The following STX17 variants were observed in gnomAD, a reference collection of about 807,000 sequenced individuals.
STX17 encodes the protein syntaxin 17.
Under a neutral mutation model 35.9 loss-of-function variants are expected in STX17, and 29 were observed. That is an observed-to-expected ratio of 0.81 (90% CI 0.60 to 1.10). The LOEUF is 1.10. STX17 is among the 50% of genes least tolerant of loss of function. The pLI, the probability that STX17 is intolerant of heterozygous loss-of-function variation, is 0.00. For missense variants in STX17, 312 were observed against 352.3 expected (o/e 0.89, Z 0.92); for synonymous variants, 92 against 118.3 (o/e 0.78, Z 1.44).
chr9:99,928,986 G>T, intron 3 of STX17, 143 bp downstream of exon 3: 1 of 672,076 alleles, frequency 1.5e-6, no homozygotes, highest in South Asian at 2.3e-5. Flanking sequence ...AGCAGAAATT[G>T]CTGAATCACA....
At chr9:99,919,761 G>A (rs944304107) in intron 2 of STX17, among the ~76,000 whole-genome samples, 3 of 152,130 alleles carry the variant, frequency 2.0e-5, no homozygotes, top group Non-Finnish European at 4.4e-5. Context: ...TAGATTGTTA[G>A]CATTGAGGAA....
chr9:99,926,337 G>C (rs906178859), intron 2 of STX17, among the ~76,000 whole-genome samples: 1 of 151,848 alleles, frequency 6.6e-6, no homozygotes, highest in Non-Finnish European at 1.5e-5. Context: ...TCTCATTGCA[G>C]ATCATGTTAT....
chr9:99,960,124 A>G lies in STX17; in HGVS notation c.551A>G (p.Gln184Arg). ...TLEADLIELS[Q>R]LVTDFSLLVN... ...TTAAAGGACTTAATTGAACTTAGCCAACTGGTCACTGACTTCTCTCTCCTA... is the reference window on the plus strand; with the variant it reads ...TTAAAGGACTTAATTGAACTTAGCCGACTGGTCACTGACTTCTCTCTCCTA... Residue 184 changes from glutamine (Q) to arginine (R), a missense_variant, in exon 6 of 8, where the codon CAA (glutamine) becomes CGA (arginine). Gln to Arg is a conservative substitution (Grantham distance 43, BLOSUM62 1). Coordinates refer to ENST00000259400, the MANE Select transcript of STX17 (RefSeq NM_017919.3). 7 of 1,614,088 alleles carry G rather than the reference A, an allele frequency of 4.3e-6. No individual in the cohort carries two copies. The highest frequency in any genetic ancestry group is 5.9e-6 in the Non-Finnish European group (7 of 1,179,984).
At chr9:99,918,049 A>G (rs548565594) in intron 2 of STX17, among the ~76,000 whole-genome samples, 91 of 152,258 alleles carry the variant, frequency 6.0e-4, no homozygotes, top group African/African-American at 2.0e-3. Context: ...ACCAGCCATC[A>G]CATCCACATT....
intron 6 of STX17, among the ~76,000 whole-genome samples, chr9:99,961,208 C>T (rs555081779): frequency 1.8e-4 from 28 of 152,258 alleles, no homozygotes; most frequent in African/African-American, 6.7e-4. Flanking sequence ...AGGTTAGAGT[C>T]ATGCAATTCA....
At chr9:99,966,563 G>A (rs1829915649) in intron 6 of STX17, among the ~76,000 whole-genome samples, 3 of 152,204 alleles carry the variant, frequency 2.0e-5, no homozygotes, top group African/African-American at 7.2e-5. Flanking sequence ...CCTCATTGCA[G>A]GTGGCATCTA....
At chr9:99,964,509 A>G (rs1829879911) in intron 6 of STX17, among the ~76,000 whole-genome samples, 1 of 152,198 alleles carries the variant, frequency 6.6e-6, no homozygotes, top group African/African-American at 2.4e-5. Context: ...TCATTGTTAA[A>G]GGAATGCTGA....
intron 4 of STX17, 148 bp downstream of exon 4, chr9:99,951,433 C>A: frequency 1.5e-6 from 1 of 685,434 alleles, no homozygotes; most frequent in Non-Finnish European, 2.3e-6. Flanking sequence ...GATCAGTGTT[C>A]CTGGAAATGT....
chr9:99,920,270 A>G (rs1250209432), intron 2 of STX17, among the ~76,000 whole-genome samples: 4 of 152,180 alleles, frequency 2.6e-5, no homozygotes, highest in Admixed American at 6.5e-5. Context: ...AGATTTTCCT[A>G]CTGTTATGAA....
intron 2 of STX17, among the ~76,000 whole-genome samples, chr9:99,917,357 G>A (rs963927222): frequency 2.6e-5 from 4 of 152,138 alleles, no homozygotes; most frequent in Admixed American, 2.0e-4. Context: ...GGCTCACTCT[G>A]GACAAAAGAG....
chr9:99,920,992 A>G (rs1472178678), intron 2 of STX17, among the ~76,000 whole-genome samples: 3 of 152,140 alleles, frequency 2.0e-5, no homozygotes, highest in Non-Finnish European at 4.4e-5. Context: ...CAGTGGAGGT[A>G]GTAGTTGTTT....
chr9:99,968,731 G>C lies in STX17; in HGVS notation c.*58G>C. Reference sequence around the variant, plus strand: ...GTCTATCCTGAGGACCTTTGCTGCTGTTGGACACTCCGTCACCTTTTGGAA... The same window carrying C: ...GTCTATCCTGAGGACCTTTGCTGCTCTTGGACACTCCGTCACCTTTTGGAA... On this transcript the variant is annotated 3_prime_UTR_variant, in exon 8 of 8. Coordinates refer to ENST00000259400, the MANE Select transcript of STX17 (RefSeq NM_017919.3). The C allele has an allele frequency of 2.5e-6, 4 of 1,570,304 alleles. No individual in the cohort carries two copies. Among genetic ancestry groups the C allele is most frequent in the Non-Finnish European group, 3.5e-6 (4 of 1,158,588 alleles).
In STX17 at chr9:99,941,830, C is replaced by G. The variant is rs1254781739; in HGVS notation, c.190-9230C>G. On this transcript the variant is annotated intron_variant, in intron 3 of 7. Coordinates refer to ENST00000259400, the MANE Select transcript of STX17 (RefSeq NM_017919.3). ...GTTTTTGCCTATAACAATAGTTCAT[C>G]CATTTTCATTGCTGTATATATTCTA... Among the ~76,000 whole-genome samples, 4 of 152,096 alleles carry G rather than the reference C, an allele frequency of 2.6e-5. No individual in the cohort carries two copies. In the East Asian group the frequency reaches 7.7e-4, roughly 29 times the overall value.
chr9:99,916,489 A>T (rs561080056), intron 2 of STX17, among the ~76,000 whole-genome samples: 2 of 151,296 alleles, frequency 1.3e-5, no homozygotes, highest in East Asian at 3.9e-4. Context: ...GGAGTGGAGG[A>T]TATGGTCATT....
chr9:99,910,560 CAAT>C (rs1337096530), intron 1 of STX17, among the ~76,000 whole-genome samples: 2 of 151,902 alleles, frequency 1.3e-5, no homozygotes, highest in Admixed American at 6.6e-5. Flanking sequence ...AATTAATACA[CAAT>C]AATTTTACAT....
chr9:99,930,421 C>T (rs1415803062), intron 3 of STX17, among the ~76,000 whole-genome samples: 2 of 151,996 alleles, frequency 1.3e-5, no homozygotes, highest in Non-Finnish European at 2.9e-5. Flanking sequence ...GCGCCCACCA[C>T]CACGCCCAGC....
At chr9:99,945,692 T>A (rs1040510303) in intron 3 of STX17, 7 of 378,478 alleles carry the variant, frequency 1.8e-5, no homozygotes, top group East Asian at 8.7e-5. Context: ...TTGTTTTTTT[T>A]AATTTATCTA....
At chr9:99,920,619 C>T (rs186171436) in intron 2 of STX17, among the ~76,000 whole-genome samples, 2 of 152,292 alleles carry the variant, frequency 1.3e-5, no homozygotes, top group Non-Finnish European at 2.9e-5. Flanking sequence ...GGCACTACTT[C>T]AAACTACCTC....
At position 99,915,632 on chromosome 9, in the gene STX17, GC is replaced by G. The variant is rs200386776; in HGVS notation, c.123+273del. 2.1e-3 allele frequency among the ~76,000 whole-genome samples: 326 copies of G among 152,148 alleles called. 1 individual carries two copies. The highest frequency in any genetic ancestry group is 6.9e-3 in the African/African-American group (285 of 41,516). On this transcript the variant is annotated intron_variant, in intron 2 of 7. Coordinates refer to ENST00000259400, the MANE Select transcript of STX17 (RefSeq NM_017919.3). ...TTGAGAGACAAGGTCTTGCTCTGTT[GC>G]CCAGGCTGGAGTGCAGTGGCATGAT...
Sources: allele counts gnomAD v4.1 joint callset (sites outside exome capture counted in the v4.1 genomes callset), GRCh38; gene constraint gnomAD v4.1.1; transcripts MANE v1.5; gene names NCBI Gene and HGNC (gene_info 2026-07-23, HGNC 2026-07-21).